Variants in KDM2B observed in about 807,000 individuals in gnomAD.
KDM2B encodes the protein lysine-specific demethylase 2B.
KDM2B carries 26 observed loss-of-function variants against 150.0 expected under a neutral mutation model. That is an observed-to-expected ratio of 0.17 (90% CI 0.13 to 0.24). The LOEUF (loss-of-function observed/expected upper bound fraction) is 0.24. Among genes scored for constraint, KDM2B ranks in the 10% least tolerant of loss-of-function variants. The pLI is 1.00. For missense variants in KDM2B, 1,265 were observed against 1,816.9 expected (o/e 0.70, Z 5.52); for synonymous variants, 734 against 729.5 (o/e 1.01, Z -0.10).
At chr12:121,413,060 C>CT in the KDM2B span, among the ~76,000 whole-genome samples, 1 of 147,062 alleles carries the variant, frequency 6.8e-6, no homozygotes, top group East Asian at 2.0e-4. Context: ...GAGTCTCACT[C>CT]TGTCACCCAA....
At chr12:121,553,660 C>T (rs1274352249) in intron 4 of KDM2B, among the ~76,000 whole-genome samples, 1 of 152,110 alleles carries the variant, frequency 6.6e-6, no homozygotes, top group East Asian at 1.9e-4. Flanking sequence ...GTAGCGTTAC[C>T]GAGTCGGTCA....
chr12:121,573,623 C>G (rs569601676), intron 4 of KDM2B, among the ~76,000 whole-genome samples: 5 of 147,158 alleles, frequency 3.4e-5, no homozygotes, highest in African/African-American at 1.3e-4. Context: ...CTCGCTCTGT[C>G]GCCCAGGCTG....
chr12:121,517,045 A>G (rs1024293127), intron 9 of KDM2B, among the ~76,000 whole-genome samples: 3 of 151,994 alleles, frequency 2.0e-5, no homozygotes, highest in East Asian at 3.9e-4. Context: ...GGAGGGGGGG[A>G]AAGATAAATA....
At chr12:121,421,535 TCAAAA>T in the KDM2B span, among the ~76,000 whole-genome samples, 127 of 152,112 alleles carry the variant, frequency 8.3e-4, no homozygotes, top group Middle Eastern at 3.4e-3. Flanking sequence ...CAAGACTGTC[TCAAAA>T]CAAAACAAAA....
intron 4 of KDM2B, among the ~76,000 whole-genome samples, chr12:121,559,158 C>G (rs1276725716): frequency 6.6e-6 from 1 of 152,168 alleles, no homozygotes; most frequent in Non-Finnish European, 1.5e-5. Context: ...CAGGGAAGGG[C>G]TGTGGGGAGC....
the KDM2B span, among the ~76,000 whole-genome samples, chr12:121,414,001 TCTC>T: frequency 6.6e-6 from 1 of 152,240 alleles, no homozygotes; most frequent in Non-Finnish European, 1.5e-5. Context: ...TTCTTTACCT[TCTC>T]CTTTCTTTAT....
intron 22 of KDM2B, among the ~76,000 whole-genome samples, chr12:121,439,061 G>A (rs1555287478): frequency 6.6e-6 from 1 of 152,150 alleles, no homozygotes; most frequent in East Asian, 1.9e-4. Flanking sequence ...CTGCACCACA[G>A]CGACAGACAG....
intron 12 of KDM2B, among the ~76,000 whole-genome samples, chr12:121,482,448 A>G (rs998514736): frequency 5.3e-5 from 8 of 152,082 alleles, no homozygotes; most frequent in East Asian, 1.9e-4. Context: ...GATTACAGGT[A>G]CCCGCCACCA....
rs577736360 is a variant in KDM2B, at chr12:121,513,077, C to T, written c.1174+199G>A. 6.6e-6 allele frequency among the ~76,000 whole-genome samples: 1 copy of T among 152,352 alleles called. No homozygotes were observed. The highest frequency in any genetic ancestry group is 2.4e-5 in the African/African-American group (1 of 41,576). On this transcript the variant is annotated intron_variant, in intron 10 of 22. Transcript: ENST00000377071. The surrounding 1 kb of genome is among the most constrained non-coding windows in gnomAD (Gnocchi z 5.0). The stretch of plus-strand genomic sequence containing the variant: ...CACACACGTGACTCTTTTGGGGATC[C>T]GAATTCATTTTCTTGGACTCTGTAT...
chr12:121,512,161 A>G (rs1356998593), intron 10 of KDM2B, among the ~76,000 whole-genome samples: 1 of 152,022 alleles, frequency 6.6e-6, no homozygotes, highest in African/African-American at 2.4e-5. Context: ...AGCGGCTCTC[A>G]CGCTATTTCA....
At chr12:121,517,541 A>G (rs1430095328) in intron 9 of KDM2B, among the ~76,000 whole-genome samples, 2 of 149,202 alleles carry the variant, frequency 1.3e-5, no homozygotes, top group African/African-American at 4.9e-5. Flanking sequence ...CAATCTAAGC[A>G]CACTGTAACC....
chr12:121,535,040 C>G (rs1555308486), intron 6 of KDM2B, among the ~76,000 whole-genome samples: 2 of 152,130 alleles, frequency 1.3e-5, no homozygotes, highest in Non-Finnish European at 2.9e-5. Context: ...TGTAAACCAC[C>G]TGCACAGCTT....
At chr12:121,499,077 T>C (rs1884259657) in intron 11 of KDM2B, among the ~76,000 whole-genome samples, 1 of 151,914 alleles carries the variant, frequency 6.6e-6, no homozygotes, top group Non-Finnish European at 1.5e-5. Flanking sequence ...AGTGCTGGGA[T>C]TACAGGTGTG....
At chr12:121,455,455 T>C (rs1157779915) in intron 12 of KDM2B, among the ~76,000 whole-genome samples, 2 of 152,176 alleles carry the variant, frequency 1.3e-5, no homozygotes, top group Non-Finnish European at 2.9e-5. Flanking sequence ...CTCACGCCTA[T>C]AAGCCCAGCA....
At chr12:121,568,488 CACAT>C (rs1433113426) in intron 4 of KDM2B, among the ~76,000 whole-genome samples, 4 of 152,022 alleles carry the variant, frequency 2.6e-5, no homozygotes, top group Admixed American at 2.6e-4. Context: ...AAATCACACA[CACAT>C]ACACACAAAA....
In KDM2B at chr12:121,578,259, G is replaced by C. The variant is rs549848791; in HGVS notation, c.271+543C>G. On this transcript the variant is annotated intron_variant, in intron 2 of 22. Coordinates refer to ENST00000377071, the MANE Select transcript of KDM2B (RefSeq NM_032590.5). The stretch of plus-strand genomic sequence containing the variant: ...TGATCCAATCTGGCAGAGCCCATGG[G>C]GGAATGCGGCTCTGCGGACCCCAGG... Among the ~76,000 whole-genome samples, 159 of 152,312 alleles carry C rather than the reference G, an allele frequency of 1.0e-3. 1 individual carries two copies. The highest frequency in any genetic ancestry group is 3.7e-3 in the African/African-American group (153 of 41,580).
intron 12 of KDM2B, among the ~76,000 whole-genome samples, chr12:121,462,276 G>A (rs1167901201): frequency 5.9e-5 from 9 of 152,118 alleles, no homozygotes; most frequent in South Asian, 2.1e-4. Flanking sequence ...CTTAACACAC[G>A]CCTGTAGACT....
At chr12:121,419,649 A>G in the KDM2B span, among the ~76,000 whole-genome samples, 229 of 152,336 alleles carry the variant, frequency 1.5e-3, no homozygotes, top group African/African-American at 5.3e-3. Context: ...TCAAAAGAAA[A>G]TATGTGAAGG....
chr12:121,483,888 G>A (rs1178522056), intron 12 of KDM2B, among the ~76,000 whole-genome samples: 1 of 152,028 alleles, frequency 6.6e-6, no homozygotes, highest in Non-Finnish European at 1.5e-5. Flanking sequence ...TTGACAAAAC[G>A]TAAACAGGGC....
Sources: gnomAD v4.1 joint callset for allele counts (sites outside exome capture counted in the v4.1 genomes callset) on GRCh38, gnomAD v4.1.1 for gene constraint, Gnocchi (gnomAD v3.1) non-coding constraint, MANE v1.5 for transcripts, NCBI Gene and HGNC (gene_info 2026-07-23, HGNC 2026-07-21) for gene names.